Variants in LRP1B observed in about 807,000 individuals in gnomAD.
LRP1B encodes the protein low-density lipoprotein receptor-related protein 1B.
In LRP1B, 217 loss-of-function variants were observed where a neutral mutation model predicts 556.6. That is an observed-to-expected ratio of 0.39 (90% CI 0.35 to 0.44). LRP1B has a LOEUF of 0.44. Among genes scored for constraint, LRP1B ranks in the 20% least tolerant of loss-of-function variants. The pLI is 1.00. For synonymous variants in LRP1B, 2,047 were observed against 1,865.8 expected (o/e 1.10, Z -2.50); for missense variants, 5,053 against 5,620.8 (o/e 0.90, Z 3.23).
intron 7 of LRP1B, among the ~76,000 whole-genome samples, chr2:141,110,456 T>C (rs1032373028): frequency 6.6e-6 from 1 of 152,160 alleles, no homozygotes; most frequent in Non-Finnish European, 1.5e-5. Context: ...AGTTTGCTCA[T>C]ATGCGTATGA....
chr2:140,464,415 C>A (rs1687456842), intron 60 of LRP1B, among the ~76,000 whole-genome samples: 1 of 152,040 alleles, frequency 6.6e-6, no homozygotes, highest in Non-Finnish European at 1.5e-5. Flanking sequence ...TTTCCCTTAC[C>A]TATTTTTAAA....
rs1680265951 is a variant in LRP1B, at chr2:141,424,233, C to G, written c.343+56163G>C. ...GGTTCAAGCAATTCTCCTGCCGCAGCCTCCAGAGTAGCTGGGATTACAGGC... is the reference window on the plus strand; with the variant it reads ...GGTTCAAGCAATTCTCCTGCCGCAGGCTCCAGAGTAGCTGGGATTACAGGC... On this transcript the variant is annotated intron_variant, in intron 3 of 90. Coordinates refer to ENST00000389484, the MANE Select transcript of LRP1B (RefSeq NM_018557.3). Among the ~76,000 whole-genome samples, 3 of 151,994 alleles carry G rather than the reference C, an allele frequency of 2.0e-5. No homozygotes were observed. In the South Asian group the frequency reaches 6.2e-4, roughly 32 times the overall value.
intron 2 of LRP1B, among the ~76,000 whole-genome samples, chr2:141,790,927 T>C (rs1208788971): frequency 6.6e-6 from 1 of 151,990 alleles, no homozygotes; most frequent in Admixed American, 6.6e-5. Context: ...GCATTACAAA[T>C]AGATGTTAAA....
At chr2:141,635,799 T>C (rs1212055265) in intron 2 of LRP1B, among the ~76,000 whole-genome samples, 1 of 152,168 alleles carries the variant, frequency 6.6e-6, no homozygotes, top group Non-Finnish European at 1.5e-5. Context: ...TATAAACATA[T>C]CACTTGATGA....
Position 140,515,168 on chromosome 2 carries a change from A to T in LRP1B, c.8150-396T>A, listed in dbSNP as rs77726499. Among the ~76,000 whole-genome samples the T allele has an allele frequency of 5.4e-3, 818 of 152,158 alleles. 6 individuals are homozygous for T. The highest frequency in any genetic ancestry group is 0.019 in the African/African-American group (789 of 41,554). ...ATCTTTGAGCCAAGAGAAAACACTT[A>T]CGTCCTAAGTAAGGTAACAATATGG... On this transcript the variant is annotated intron_variant, in intron 50 of 90. Transcript: ENST00000389484.
intron 1 of LRP1B, among the ~76,000 whole-genome samples, chr2:141,812,612 A>G (rs1385793895): frequency 6.6e-6 from 1 of 152,164 alleles, no homozygotes; most frequent in Non-Finnish European, 1.5e-5. Flanking sequence ...GAGCATCTTA[A>G]AAACATAGGA....
chr2:142,062,559 G>A (rs557240796), intron 1 of LRP1B, among the ~76,000 whole-genome samples: 14 of 151,478 alleles, frequency 9.2e-5, no homozygotes, highest in South Asian at 2.1e-4. Flanking sequence ...GTTGCTTTTC[G>A]GCAGCATGAT....
At chr2:141,009,705 C>G (rs910001521) in intron 14 of LRP1B, among the ~76,000 whole-genome samples, 64 of 151,732 alleles carry the variant, frequency 4.2e-4, no homozygotes, top group Non-Finnish European at 1.3e-4. Context: ...ATCTCTAAAT[C>G]CTGGATTCTA....
chr2:141,324,896 T>C (rs181183803), intron 3 of LRP1B, among the ~76,000 whole-genome samples: 36 of 152,194 alleles, frequency 2.4e-4, no homozygotes, highest in African/African-American at 8.2e-4. Flanking sequence ...TAAGTTCTCT[T>C]TTGTTTAAAT....
intron 1 of LRP1B, among the ~76,000 whole-genome samples, chr2:141,919,249 C>G (rs1179036580): frequency 2.0e-5 from 3 of 151,968 alleles, no homozygotes; most frequent in African/African-American, 7.2e-5. Context: ...CATGAAATTG[C>G]TTAAACAATA....
chr2:140,266,215 A>C (rs1682197490), intron 86 of LRP1B, among the ~76,000 whole-genome samples: 1 of 151,968 alleles, frequency 6.6e-6, no homozygotes, highest in Non-Finnish European at 1.5e-5. Flanking sequence ...CTTTTGATTA[A>C]TTAACTGTAG....
chr2:141,891,706 C>A (rs1699296400), intron 1 of LRP1B, among the ~76,000 whole-genome samples: 1 of 152,058 alleles, frequency 6.6e-6, no homozygotes, highest in South Asian at 2.1e-4. Context: ...GCATTTTATG[C>A]ATCTAAGCAA....
At chr2:141,969,129 C>T (rs1311562513) in intron 1 of LRP1B, among the ~76,000 whole-genome samples, 1 of 150,212 alleles carries the variant, frequency 6.7e-6, no homozygotes, top group African/African-American at 2.4e-5. Flanking sequence ...TTTTTTAAAG[C>T]TATACATTGA....
chr2:140,260,669 C>A (rs34653587), intron 86 of LRP1B, among the ~76,000 whole-genome samples: 17 of 151,262 alleles, frequency 1.1e-4, no homozygotes, highest in Non-Finnish European at 2.2e-4. Context: ...ATCCCTTTCC[C>A]TATATAGCCA....
intron 84 of LRP1B, among the ~76,000 whole-genome samples, chr2:140,277,088 T>A (rs1453739698): frequency 6.6e-6 from 1 of 151,764 alleles, no homozygotes; most frequent in Admixed American, 6.6e-5. Context: ...TGAAGCGCTT[T>A]TTTTTTATAA....
chr2:140,938,631 C>T lies in LRP1B; in HGVS notation c.3136+11604G>A, dbSNP rs376731613. Among the ~76,000 whole-genome samples, 114 of 152,138 alleles carry T rather than the reference C, an allele frequency of 7.5e-4. 1 individual carries two copies. The highest frequency in any genetic ancestry group is 2.4e-3 in the African/African-American group (101 of 41,532). ...GGTGACTGGATATAGGAATAAAGAG[C>T]AGTCAGTCTTTGGAACTTCAGCTGC... On this transcript the variant is annotated intron_variant, in intron 20 of 90. Coordinates refer to ENST00000389484, the MANE Select transcript of LRP1B (RefSeq NM_018557.3).
At chr2:141,412,295 T>A (rs1225670780) in intron 3 of LRP1B, among the ~76,000 whole-genome samples, 1 of 152,222 alleles carries the variant, frequency 6.6e-6, no homozygotes, top group Non-Finnish European at 1.5e-5. Flanking sequence ...TAATCAGATT[T>A]CCACACTGGG....
At chr2:141,172,950 C>T (rs1265625245) in intron 7 of LRP1B, among the ~76,000 whole-genome samples, 1 of 151,890 alleles carries the variant, frequency 6.6e-6, no homozygotes, top group African/African-American at 2.4e-5. Context: ...TTCCAATTAT[C>T]CAAGCCTATG....
At chr2:141,409,158 T>C (rs1348592430) in intron 3 of LRP1B, among the ~76,000 whole-genome samples, 1 of 152,128 alleles carries the variant, frequency 6.6e-6, no homozygotes, top group Admixed American at 6.6e-5. Flanking sequence ...AGTACCAAAT[T>C]AAATGGGATA....
Sources: gnomAD v4.1 joint callset for allele counts (sites outside exome capture counted in the v4.1 genomes callset) on GRCh38, gnomAD v4.1.1 for gene constraint, MANE v1.5 for transcripts, NCBI Gene and HGNC (gene_info 2026-07-23, HGNC 2026-07-21) for gene names.